TSNARE1: variants seen among roughly 807,000 people sequenced by gnomAD.
TSNARE1 encodes t-SNARE domain containing 1, also known as t-SNARE domain-containing protein 1.
A neutral mutation model predicts 62.0 loss-of-function variants in TSNARE1; 49 were observed. The observed-to-expected ratio is 0.79, with a 90% CI of 0.63 to 1.00. TSNARE1 has a LOEUF of 1.00. Among genes scored for constraint, TSNARE1 ranks in the 50% least tolerant of loss-of-function variants. The probability of loss-of-function intolerance (pLI) is 0.00; values close to 1 mark genes in which losing one functional copy is unlikely to be tolerated. For synonymous variants in TSNARE1, 328 were observed against 294.4 expected (o/e 1.11, Z -1.17); for missense variants, 755 against 700.1 (o/e 1.08, Z -0.88).
At chr8:142,347,166 C>T (rs1358379551) in intron 2 of TSNARE1, among the ~76,000 whole-genome samples, 1 of 152,258 alleles carries the variant, frequency 6.6e-6, no homozygotes. Context: ...AGCTGCCTGG[C>T]TCATTTCGGG....
intron 4 of TSNARE1, among the ~76,000 whole-genome samples, chr8:142,334,486 TGGG>T: frequency 9.5e-6 from 1 of 104,726 alleles, no homozygotes; most frequent in Admixed American, 9.9e-5. Flanking sequence ...ACACACAGGG[TGGG>T]GGGGCAGCAG....
At chr8:142,262,812 G>C (rs1002403002) in intron 12 of TSNARE1, among the ~76,000 whole-genome samples, 1 of 152,144 alleles carries the variant, frequency 6.6e-6, no homozygotes, top group Non-Finnish European at 1.5e-5. Flanking sequence ...CTGCAGAACC[G>C]TGAGCCAATC....
At chr8:142,272,957 C>T in intron 12 of TSNARE1, 1 of 985,472 alleles carries the variant, frequency 1.0e-6, no homozygotes, top group Non-Finnish European at 1.2e-6. Context: ...ATGCCTCATC[C>T]CTCCCTGATA....
chr8:142,251,402 G>C (rs2130284017), intron 12 of TSNARE1, among the ~76,000 whole-genome samples: 1 of 149,468 alleles, frequency 6.7e-6, no homozygotes, highest in East Asian at 2.0e-4. Flanking sequence ...TGAGAGAAAG[G>C]GCTGCAAAGC....
chr8:142,280,085 C>T (rs1005584401), intron 11 of TSNARE1: 17 of 1,199,834 alleles, frequency 1.4e-5, no homozygotes, highest in Non-Finnish European at 1.8e-5. Context: ...CGGCTCCACA[C>T]GCGGTGCTTT....
intron 1 of TSNARE1, among the ~76,000 whole-genome samples, chr8:142,357,532 G>C (rs1032366681): frequency 2.0e-5 from 3 of 152,170 alleles, no homozygotes; most frequent in African/African-American, 7.2e-5. Flanking sequence ...GCAGGTGGCG[G>C]CAGGAACCAG....
intron 12 of TSNARE1, among the ~76,000 whole-genome samples, chr8:142,264,451 G>A (rs77053728): frequency 0.015 from 2,323 of 152,278 alleles, 30 homozygotes; most frequent in Non-Finnish European, 0.024. Flanking sequence ...GAAGTTCAGC[G>A]CTGGTGTTCA....
chr8:142,321,003 A>G (rs1246044220), intron 6 of TSNARE1, among the ~76,000 whole-genome samples: 1 of 152,208 alleles, frequency 6.6e-6, no homozygotes, highest in Non-Finnish European at 1.5e-5. Flanking sequence ...ACAAACTGTT[A>G]GCACCATGCA....
At chr8:142,400,344 G>A (rs1432278774) in intron 1 of TSNARE1, among the ~76,000 whole-genome samples, 1 of 151,988 alleles carries the variant, frequency 6.6e-6, no homozygotes, top group Non-Finnish European at 1.5e-5. Context: ...TACTCGGAAG[G>A]CTGAGGCAGG....
Position 142,300,640 on chromosome 8 carries a change from G to A in TSNARE1, c.1136C>T (p.Pro379Leu), listed in dbSNP as rs145190214. Residue 379 changes from proline to leucine, a missense_variant, in exon 10 of 14, where the codon CCC (proline) becomes CTC (leucine). Physicochemically the swap from Pro to Leu is moderately conservative, Grantham distance 98. Transcript: ENST00000524325. ...PMAQRGSKQS[P>L]QAPFAELADD... Reference sequence around the variant, plus strand: ...AGCCAGCTCGGCAAACGGGGCCTGGGGACTCTGCTGATGACAGACAGATCT... The same window carrying A: ...AGCCAGCTCGGCAAACGGGGCCTGGAGACTCTGCTGATGACAGACAGATCT... 2 of 1,612,682 alleles carry A rather than the reference G, an allele frequency of 1.2e-6. No homozygotes were observed. The highest frequency in any genetic ancestry group is 8.5e-7 in the Non-Finnish European group (1 of 1,179,570).
chr8:142,275,657 C>G lies in TSNARE1; in HGVS notation c.1364-794G>C, dbSNP rs567849911. The G allele has an allele frequency of 2.8e-3, 2,723 of 985,468 alleles. 7 individuals are homozygous for G. The highest frequency in any genetic ancestry group is 3.7e-3 in the Middle Eastern group (7 of 1,914). 61.0% of individuals were successfully genotyped at this position (985,468 alleles called of 1,614,324 possible). A position where few individuals can be genotyped will look rare whatever the true frequency, so the allele number is the denominator to read the frequency against. ...CACGAGCACGGGCAAGCCTTCTTCC[C>G]GGAGGGAGGTTCCTTGCAAGGCCTG... On this transcript the variant is annotated intron_variant, in intron 11 of 13. Coordinates refer to ENST00000524325, the MANE Select transcript of TSNARE1 (RefSeq NM_145003.5).
chr8:142,353,040 A>G (rs1586978001), intron 2 of TSNARE1, among the ~76,000 whole-genome samples: 1 of 152,230 alleles, frequency 6.6e-6, no homozygotes, highest in Middle Eastern at 3.4e-3. Flanking sequence ...TCCCTGGCCC[A>G]TGGAAGGAAC....
chr8:142,296,179 G>A (rs773590498), intron 10 of TSNARE1, among the ~76,000 whole-genome samples: 1 of 37,794 alleles, frequency 2.6e-5, no homozygotes, highest in South Asian at 8.9e-4. Context: ...TGGGAGAGGG[G>A]GTGGTGATGG....
At chr8:142,238,828 C>G (rs1055448354) in intron 12 of TSNARE1, among the ~76,000 whole-genome samples, 4 of 151,598 alleles carry the variant, frequency 2.6e-5, no homozygotes, top group Non-Finnish European at 2.9e-5. Flanking sequence ...TGCCAAACAC[C>G]TGTCTCCCCT....
chr8:142,314,278 A>T lies in TSNARE1; in HGVS notation c.1131+106T>A, dbSNP rs1474645492. 15 of 1,070,336 alleles carry T rather than the reference A, an allele frequency of 1.4e-5. No homozygotes were observed. In the East Asian group the frequency reaches 3.5e-4, roughly 25 times the overall value. 66.3% of individuals were successfully genotyped at this position (1,070,336 alleles called of 1,614,324 possible). ...TGTGCCTCAGGGCGCCCCTCAGATG[A>T]CACCCCTGCCCTTGGCCCTCCCCGC... On this transcript the variant is annotated intron_variant, in intron 9 of 13. Coordinates refer to ENST00000524325, the MANE Select transcript of TSNARE1 (RefSeq NM_145003.5).
intron 6 of TSNARE1, among the ~76,000 whole-genome samples, chr8:142,326,845 T>G (rs190025319): frequency 9.2e-5 from 14 of 152,312 alleles, no homozygotes; most frequent in Admixed American, 2.6e-4. Flanking sequence ...GATATACAAA[T>G]GGCTAACAAG....
intron 1 of TSNARE1, among the ~76,000 whole-genome samples, chr8:142,374,128 A>AC (rs1836123688): frequency 1.3e-5 from 2 of 151,916 alleles, no homozygotes; most frequent in African/African-American, 4.8e-5. Context: ...ACATGGTGAA[A>AC]CCCCGTCTCT....
intron 13 of TSNARE1, among the ~76,000 whole-genome samples, chr8:142,218,163 G>A (rs112943205): frequency 6.0e-4 from 68 of 114,076 alleles, no homozygotes; most frequent in Middle Eastern, 5.0e-3. Context: ...TGTGGCCAGG[G>A]TCAGGCCTCA....
intron 12 of TSNARE1, among the ~76,000 whole-genome samples, chr8:142,248,627 C>A (rs893078207): frequency 6.6e-6 from 1 of 152,178 alleles, no homozygotes; most frequent in Non-Finnish European, 1.5e-5. Context: ...GGACTCGTGG[C>A]GCTGAGAGTG....
Sources: allele counts gnomAD v4.1 joint callset (sites outside exome capture counted in the v4.1 genomes callset), GRCh38; gene constraint gnomAD v4.1.1; transcripts MANE v1.5; gene names NCBI Gene and HGNC (gene_info 2026-07-23, HGNC 2026-07-21).